RLN1: variants seen among roughly 807,000 people sequenced by gnomAD.
The protein encoded by RLN1 is prorelaxin H1.
In RLN1, 4 loss-of-function variants were observed where a neutral mutation model predicts 7.2. The observed-to-expected ratio is 0.56, with a 90% confidence interval of 0.28 to 1.28. The LOEUF (loss-of-function observed/expected upper bound fraction) is 1.28, where lower values mean the gene tolerates loss of function less well. Among genes scored for constraint, RLN1 ranks in the 50% most tolerant of loss-of-function variants. RLN1 has a pLI of 0.11. For synonymous variants in RLN1, 105 were observed against 86.0 expected (o/e 1.22, Z -1.22); for missense variants, 293 against 221.1 (o/e 1.32, Z -2.06).
intron 1 of RLN1, among the ~76,000 whole-genome samples, chr9:5,336,326 T>C (rs1816893013): frequency 6.6e-6 from 1 of 152,104 alleles, no homozygotes; most frequent in African/African-American, 2.4e-5. Flanking sequence ...ACTAATGTTT[T>C]CTGTCTGATG....
At chr9:5,335,804 G>T (rs7021193) in intron 1 of RLN1, among the ~76,000 whole-genome samples, 1 of 151,882 alleles carries the variant, frequency 6.6e-6, no homozygotes, top group Admixed American at 6.6e-5. Context: ...CCAAGGCTCT[G>T]CTTTACCCCA....
Position 5,339,657 on chromosome 9 carries a change from A to G in RLN1, c.90T>C (p.Asp30=), listed in dbSNP as rs62638697. ...SRAVAAKWKD[D]VIKLCGRELV... is the part of the protein sequence containing the mutation. ...ATTCGCGGCCGCATAATTTAATAAC[A>G]TCGTCCTTCCATTTGGCCGCGACTG... Residue 30 remains aspartate (D), a synonymous_variant, in exon 1 of 2, where the codon GAT becomes GAC. Coordinates refer to ENST00000223862, the MANE Select transcript of RLN1 (RefSeq NM_006911.4). The G allele has an allele frequency of 6.2e-7, 1 of 1,611,558 alleles. No homozygotes were observed. The highest frequency in any genetic ancestry group is 2.2e-5 in the East Asian group (1 of 44,844).
chr9:5,335,847 T>G (rs979994929), intron 1 of RLN1, among the ~76,000 whole-genome samples: 1 of 152,024 alleles, frequency 6.6e-6, no homozygotes, highest in African/African-American at 2.4e-5. Flanking sequence ...CATTATCCCC[T>G]CAGTGCTTTT....
intron 1 of RLN1, 74 bp from the exon 2 acceptor site, chr9:5,335,671 T>A: frequency 2.3e-6 from 2 of 874,082 alleles, no homozygotes; most frequent in Non-Finnish European, 3.5e-6. Context: ...CTGTGAATGT[T>A]TGCATACACA....
chr9:5,335,622 A>G (rs1434547700), intron 1 of RLN1, 25 bp from the exon 2 acceptor site: 2 of 1,487,466 alleles, frequency 1.3e-6, no homozygotes, highest in South Asian at 1.2e-5. Context: ...AAAAAAGTGT[A>G]TGTGAAGGCG....
At chr9:5,340,485 G>T (rs138930259), upstream of RLN1, among the ~76,000 whole-genome samples, 3 of 152,196 alleles carry the variant, frequency 2.0e-5, no homozygotes, top group East Asian at 5.8e-4. Context: ...TAAAATTCTA[G>T]TCTATGTCTC....
intron 1 of RLN1, 199 bp downstream of exon 1, chr9:5,339,337 C>T (rs1381208340): frequency 2.1e-6 from 1 of 480,142 alleles, no homozygotes; most frequent in Admixed American, 4.4e-5. Context: ...GTGAGATTCC[C>T]AGTGAGACTG....
intron 1 of RLN1, among the ~76,000 whole-genome samples, chr9:5,336,309 T>C (rs1439966932): frequency 6.6e-6 from 1 of 152,088 alleles, no homozygotes; most frequent in African/African-American, 2.4e-5. Flanking sequence ...GTGGTGTAAG[T>C]GTACTGACTA....
upstream of RLN1, among the ~76,000 whole-genome samples, chr9:5,340,788 G>C (rs1816976163): frequency 6.6e-6 from 1 of 152,112 alleles, no homozygotes; most frequent in Non-Finnish European, 1.5e-5. Flanking sequence ...TAAATTTTTA[G>C]TACAAATAGG....
chr9:5,336,876 C>G (rs1352937253), intron 1 of RLN1, among the ~76,000 whole-genome samples: 1 of 151,968 alleles, frequency 6.6e-6, no homozygotes, highest in East Asian at 1.9e-4. Context: ...GACCCTTCAC[C>G]TAGACAGCGG....
At chr9:5,339,502 C>T in intron 1 of RLN1, 34 bp downstream of exon 1, 1 of 1,454,866 alleles carries the variant, frequency 6.9e-7, no homozygotes, top group South Asian at 1.2e-5. Flanking sequence ...CAATGGGAAG[C>T]GCGGGAAGGC....
Position 5,335,544 on chromosome 9 carries a change from C to T in RLN1, c.265G>A (p.Glu89Lys), listed in dbSNP as rs1208671483. The T allele has an allele frequency of 3.7e-6, 6 of 1,612,282 alleles. No homozygotes were observed. Among genetic ancestry groups the T allele is most frequent in the Non-Finnish European group, 5.1e-6 (6 of 1,179,128 alleles). Residue 89 changes from glutamate (E) to lysine (K), a missense_variant, in exon 2 of 2, where the codon GAA becomes AAA. Coordinates refer to ENST00000223862, the MANE Select transcript of RLN1 (RefSeq NM_006911.4). The stretch of plus-strand genomic sequence containing the variant: ...TCCGGTGGCAAATTAGCAATGAATT[C>T]CAACATGATAATTATAGTTTCTGTA... ...KDTETIIIML[E>K]FIANLPPELK...
intron 1 of RLN1, among the ~76,000 whole-genome samples, chr9:5,336,509 T>G (rs1816897228): frequency 6.6e-6 from 1 of 152,090 alleles, no homozygotes; most frequent in South Asian, 2.1e-4. Context: ...TTCAGCTCCG[T>G]TGAACATTCA....
In RLN1 at chr9:5,335,378, T is replaced by C. The variant is rs369448766; in HGVS notation, c.431A>G (p.Asn144Ser). The C allele has an allele frequency of 7.1e-5, 114 of 1,613,538 alleles. 1 individual carries two copies. The highest frequency in any genetic ancestry group is 6.3e-4 in the Admixed American group (38 of 59,978). ...GCCTAAGTATTTTAATTCTGAAGGA[T>C]TGCTGTCTGCGGCTTCACTTTGCCT... is the stretch of plus-strand genomic sequence containing the variant. The part of the protein sequence containing the change: ...RNRQSEAADS[N>S]PSELKYLGLD... The change falls in exon 2 of 2, where the codon AAT becomes AGT. Residue 144 changes from asparagine to serine, a missense_variant. Transcript: ENST00000223862.
At chr9:5,336,744 A>G (rs1284001991) in intron 1 of RLN1, among the ~76,000 whole-genome samples, 27 of 151,982 alleles carry the variant, frequency 1.8e-4, no homozygotes, top group Non-Finnish European at 3.5e-4. Context: ...GGACAGGAAA[A>G]CTATCCAATA....
rs1402689810 is a variant in RLN1 at position 5,335,439 on chromosome 9, G to C, written c.370C>G (p.Leu124Val). ...QYVPALKDSN[L>V]SFEEFKKLIR... Reference sequence around the variant, plus strand: ...AGTTTCTTAAATTCTTCAAAGCTAAGATTGGAATCCTTTAATGCAGGTACA... The same window carrying C: ...AGTTTCTTAAATTCTTCAAAGCTAACATTGGAATCCTTTAATGCAGGTACA... Residue 124 changes from leucine (L) to valine (V), a missense_variant, in exon 2 of 2, where the codon CTT becomes GTT. Physicochemically the swap from Leu to Val is conservative, Grantham distance 32. Transcript: ENST00000223862. 6.8e-6 allele frequency: 11 copies of C among 1,613,732 alleles called. No homozygotes were observed. In the Admixed American group the frequency reaches 1.5e-4, roughly 22 times the overall value.
Position 5,339,663 on chromosome 9 carries a change from C to T in RLN1, c.84G>A (p.Lys28=). Residue 28 remains lysine (K), a synonymous_variant, in exon 1 of 2, where the codon AAG becomes AAA. Transcript: ENST00000223862. ...QFSRAVAAKW[K]DDVIKLCGRE... ...GGCCGCATAATTTAATAACATCGTCCTTCCATTTGGCCGCGACTGCTCTGG... is the reference window on the plus strand; with the variant it reads ...GGCCGCATAATTTAATAACATCGTCTTTCCATTTGGCCGCGACTGCTCTGG... 1.2e-6 allele frequency: 2 copies of T among 1,613,104 alleles called. No individual in the cohort carries two copies. Among genetic ancestry groups the T allele is most frequent in the South Asian group, 1.1e-5 (1 of 91,070 alleles).
chr9:5,335,342 T>C lies in RLN1; in HGVS notation c.467A>G (p.His156Arg). Residue 156 changes from histidine to arginine, a missense_variant, in exon 2 of 2, where the codon CAT (histidine) becomes CGT (arginine). By Grantham distance (29) the His-to-Arg change is conservative. Transcript: ENST00000223862. Reference protein sequence around the residue: ...SELKYLGLDTHSQKKRRPYVA... With the variant: ...SELKYLGLDTRSQKKRRPYVA... ...GTAGGGTCGTCTCTTTTTTTGAGAA[T>C]GAGTATCCAAGCCTAAGTATTTTAA... 6.2e-7 allele frequency: 1 copy of C among 1,613,032 alleles called. No homozygotes were observed. The highest frequency in any genetic ancestry group is 1.7e-4 in the Middle Eastern group (1 of 6,022).
upstream of RLN1, among the ~76,000 whole-genome samples, chr9:5,340,905 T>A (rs533872410): frequency 2.6e-5 from 4 of 152,340 alleles, no homozygotes; most frequent in South Asian, 8.3e-4. Context: ...AGCTTTGAAA[T>A]AAAATAATAA....
Sources: allele counts gnomAD v4.1 joint callset (sites outside exome capture counted in the v4.1 genomes callset), GRCh38; gene constraint gnomAD v4.1.1; transcripts MANE v1.5; gene names NCBI Gene and HGNC (gene_info 2026-07-23, HGNC 2026-07-21).